NRXN3: variants seen among roughly 807,000 people sequenced by gnomAD.
NRXN3 encodes neurexin III.
NRXN3 carries 32 observed loss-of-function variants against 137.6 expected under a neutral mutation model. The ratio of observed to expected loss-of-function variants is 0.23; its 90% CI spans 0.18 to 0.31. The LOEUF is 0.31. NRXN3 is among the 10% of genes least tolerant of loss of function. NRXN3 has a pLI of 1.00. For synonymous variants in NRXN3, 798 were observed against 784.5 expected (o/e 1.02, Z -0.29); for missense variants, 1,574 against 2,062.5 (o/e 0.76, Z 4.59).
At chr14:78,442,194 G>A (rs1466201243) in intron 4 of NRXN3, among the ~76,000 whole-genome samples, 1 of 151,746 alleles carries the variant, frequency 6.6e-6, no homozygotes, top group East Asian at 1.9e-4. Flanking sequence ...TTAAACCTGG[G>A]AGGCAGACGT....
intron 4 of NRXN3, among the ~76,000 whole-genome samples, chr14:78,359,597 C>A (rs1281663005): frequency 2.0e-5 from 3 of 152,134 alleles, no homozygotes; most frequent in Non-Finnish European, 4.4e-5. Context: ...TCCTTGCATG[C>A]CAGCTGATGG....
At chr14:79,504,085 A>T (rs1405206733) in intron 16 of NRXN3, among the ~76,000 whole-genome samples, 1 of 152,000 alleles carries the variant, frequency 6.6e-6, no homozygotes, top group Non-Finnish European at 1.5e-5. Context: ...TATAATGTAC[A>T]CTCTTACCAG....
chr14:78,701,165 A>G (rs2098274391), intron 6 of NRXN3, among the ~76,000 whole-genome samples: 2 of 152,228 alleles, frequency 1.3e-5, no homozygotes, highest in Non-Finnish European at 2.9e-5. Flanking sequence ...TCTTCTTGAG[A>G]AGAATAAAAT....
chr14:79,050,897 T>A (rs537949228), intron 15 of NRXN3, among the ~76,000 whole-genome samples: 2 of 152,308 alleles, frequency 1.3e-5, no homozygotes, highest in South Asian at 4.1e-4. Flanking sequence ...AATAATATGA[T>A]ACAAATTCTC....
intron 4 of NRXN3, among the ~76,000 whole-genome samples, chr14:78,393,995 T>A (rs2091127864): frequency 6.6e-6 from 1 of 152,044 alleles, no homozygotes; most frequent in Non-Finnish European, 1.5e-5. Context: ...TGTGTGTGTG[T>A]ATGTGTAGAT....
chr14:79,293,311 T>C (rs1025171178), intron 15 of NRXN3, among the ~76,000 whole-genome samples: 1 of 152,154 alleles, frequency 6.6e-6, no homozygotes, highest in Non-Finnish European at 1.5e-5. Context: ...CCTAAAATAA[T>C]GTTCTGATGA....
At chr14:79,745,084 A>C (rs2098975518) in intron 19 of NRXN3, among the ~76,000 whole-genome samples, 1 of 152,028 alleles carries the variant, frequency 6.6e-6, no homozygotes, top group African/African-American at 2.4e-5. Flanking sequence ...AAAAGTTCAG[A>C]GCGAAAAGAA....
intron 10 of NRXN3, among the ~76,000 whole-genome samples, chr14:78,885,227 T>A (rs574186067): frequency 6.7e-6 from 1 of 149,936 alleles, no homozygotes; most frequent in South Asian, 2.1e-4. Flanking sequence ...AAATTACATA[T>A]GTAAAAAGTA....
chr14:79,728,853 A>G (rs150631442), intron 19 of NRXN3, among the ~76,000 whole-genome samples: 4 of 152,326 alleles, frequency 2.6e-5, no homozygotes, highest in Admixed American at 2.0e-4. Flanking sequence ...AGATGATATC[A>G]TCGGAAAGGG....
intron 4 of NRXN3, among the ~76,000 whole-genome samples, chr14:78,561,983 T>A (rs556404669): frequency 1.3e-5 from 2 of 152,222 alleles, no homozygotes; most frequent in Non-Finnish European, 2.9e-5. Context: ...TCCCATCCCA[T>A]GCACTCTTCT....
At chr14:78,648,705 T>C (rs2097710355) in intron 5 of NRXN3, among the ~76,000 whole-genome samples, 1 of 152,210 alleles carries the variant, frequency 6.6e-6, no homozygotes, top group South Asian at 2.1e-4. Context: ...AGTTTTTTCC[T>C]TTTTGGGAGG....
intron 17 of NRXN3, among the ~76,000 whole-genome samples, chr14:79,667,913 T>A (rs925149081): frequency 6.6e-6 from 1 of 151,964 alleles, no homozygotes; most frequent in African/African-American, 2.4e-5. Context: ...TGTGAGTGGG[T>A]GGCCGGTGAT....
At chr14:79,700,639 C>T (rs915476278) in intron 19 of NRXN3, among the ~76,000 whole-genome samples, 1 of 152,046 alleles carries the variant, frequency 6.6e-6, no homozygotes, top group African/African-American at 2.4e-5. Context: ...GTGTTGATTT[C>T]AGATCAAAGG....
chr14:78,605,747 T>G (rs1473296837), intron 4 of NRXN3, among the ~76,000 whole-genome samples: 2 of 152,210 alleles, frequency 1.3e-5, no homozygotes, highest in African/African-American at 2.4e-5. Context: ...AGAATCACAT[T>G]TTATACGTGT....
intron 15 of NRXN3, among the ~76,000 whole-genome samples, chr14:79,080,082 A>G (rs1206906041): frequency 6.6e-6 from 1 of 152,184 alleles, no homozygotes; most frequent in Non-Finnish European, 1.5e-5. Flanking sequence ...AACCACCTGA[A>G]GGAACAGTGG....
At chr14:79,319,696 T>C (rs2089622275) in intron 15 of NRXN3, among the ~76,000 whole-genome samples, 1 of 152,204 alleles carries the variant, frequency 6.6e-6, no homozygotes, top group African/African-American at 2.4e-5. Flanking sequence ...TGAGTAATTA[T>C]TATCCACGTT....
Position 78,651,235 on chromosome 14 carries a change from C to T in NRXN3, c.1130C>T (p.Ser377Leu), listed in dbSNP as rs867067203. The T allele has an allele frequency of 3.7e-6, 6 of 1,613,894 alleles. No homozygotes were observed. In the African/African-American group the frequency reaches 4.0e-5, roughly 11 times the overall value. Residue 377 changes from serine to leucine, a missense_variant, in exon 6 of 21, where the codon TCG (serine) becomes TTG (leucine). Ser to Leu is a moderately radical substitution (Grantham distance 145). Transcript: ENST00000335750. Reference sequence around the variant, plus strand: ...CAAGAGGACTATACCATGCTGGGCTCGGACGACTTCTTCTATGTAGGAGGA... The same window carrying T: ...CAAGAGGACTATACCATGCTGGGCTTGGACGACTTCTTCTATGTAGGAGGA... ...YTQEDYTMLGSDDFFYVGGSP... is the reference protein window; with the variant it reads ...YTQEDYTMLGLDDFFYVGGSP...
At chr14:79,294,510 A>G (rs967264594) in intron 15 of NRXN3, among the ~76,000 whole-genome samples, 1 of 152,202 alleles carries the variant, frequency 6.6e-6, no homozygotes, top group Non-Finnish European at 1.5e-5. Flanking sequence ...GAGGACAGGT[A>G]GTATGATTGT....
intron 4 of NRXN3, among the ~76,000 whole-genome samples, chr14:78,565,341 C>G (rs2152287902): frequency 6.6e-6 from 1 of 152,348 alleles, no homozygotes; most frequent in East Asian, 1.9e-4. Flanking sequence ...TTTCTCCACA[C>G]TGAACCCTAA....
Sources: gnomAD v4.1 joint callset for allele counts (sites outside exome capture counted in the v4.1 genomes callset) on GRCh38, gnomAD v4.1.1 for gene constraint, MANE v1.5 for transcripts, NCBI Gene and HGNC (gene_info 2026-07-23, HGNC 2026-07-21) for gene names.